PHF2: variants seen among roughly 807,000 people sequenced by gnomAD.
The protein encoded by PHF2 is lysine-specific demethylase PHF2.
Under a neutral mutation model 120.5 loss-of-function variants are expected in PHF2, and 27 were observed. The ratio of observed to expected loss-of-function variants is 0.22; its 90% confidence interval spans 0.17 to 0.31. The LOEUF (loss-of-function observed/expected upper bound fraction) is 0.31, where lower values mean the gene tolerates loss of function less well. Ranked by LOEUF, PHF2 falls within the 10% of genes least tolerant of loss-of-function variation. The pLI, the probability that PHF2 is intolerant of heterozygous loss-of-function variation, is 1.00. For synonymous variants in PHF2, 568 were observed against 592.5 expected, an observed-to-expected ratio of 0.96 and a Z score of 0.60; for missense variants, 1,024 against 1,434.8, an observed-to-expected ratio of 0.71 and a Z score of 4.63.
At chr9:93,652,122 C>G (rs1244732117) in intron 5 of PHF2, among the ~76,000 whole-genome samples, 1 of 151,950 alleles carries the variant, frequency 6.6e-6, no homozygotes, top group African/African-American at 2.4e-5. Flanking sequence ...CAGTCTTGTC[C>G]GGGGACAACT....
chr9:93,656,111 C>A lies in PHF2; in HGVS notation c.1040+90C>A. 9.8e-7 allele frequency: 1 copy of A among 1,019,930 alleles called. No homozygotes were observed. The allele number at this position is 1,019,930 out of a possible 1,614,324, so 63.2% of individuals were successfully genotyped here. A position where few individuals can be genotyped will look rare whatever the true frequency, so the allele number is the denominator to read the frequency against. On this transcript the variant is annotated intron_variant, in intron 8 of 21. Transcript: ENST00000359246. The surrounding 1 kb of genome is among the most constrained non-coding windows in gnomAD (Gnocchi z 4.1). ...GGTGCTAGATGCCTTGGGCTGAGTC[C>A]TGGCACAGCCCGCCTGTGGGTGGCC...
intron 14 of PHF2, among the ~76,000 whole-genome samples, chr9:93,664,129 G>T (rs138382540): frequency 2.7e-3 from 416 of 152,328 alleles, no homozygotes; most frequent in Non-Finnish European, 4.4e-3. Context: ...TGCTGAGGAC[G>T]TGCATGGGGG....
chr9:93,675,635 G>A, intron 19 of PHF2, 45 bp from the exon 20 acceptor site: 1 of 1,481,648 alleles, frequency 6.7e-7, no homozygotes, highest in Non-Finnish European at 9.4e-7. Context: ...GGGGTGGACA[G>A]GCTGTGGCCT....
At chr9:93,653,399 C>G in intron 6 of PHF2, 34 bp downstream of exon 6, 2 of 1,603,146 alleles carry the variant, frequency 1.2e-6, no homozygotes, top group Non-Finnish European at 8.5e-7. Flanking sequence ...CTCTGCCTTG[C>G]CATGGCCATG....
At chr9:93,675,826 C>G in intron 20 of PHF2, 37 bp downstream of exon 20, 2 of 1,496,272 alleles carry the variant, frequency 1.3e-6, no homozygotes, top group Non-Finnish European at 1.8e-6. Context: ...GCAGCCAGGT[C>G]CCTGCTACCC....
At chr9:93,582,422 C>T (rs1179201947) in intron 1 of PHF2, among the ~76,000 whole-genome samples, 1 of 152,226 alleles carries the variant, frequency 6.6e-6, no homozygotes, top group Admixed American at 6.5e-5. Context: ...ACTGCAGCAG[C>T]TCCCTCCTGG....
intron 1 of PHF2, among the ~76,000 whole-genome samples, chr9:93,628,358 G>T (rs982397321): frequency 9.2e-5 from 14 of 152,218 alleles, no homozygotes; most frequent in Admixed American, 2.6e-4. Flanking sequence ...TGGTTTCTGG[G>T]ATTTTCTTTT....
At chr9:93,648,569 T>A (rs1270504243) in intron 4 of PHF2, among the ~76,000 whole-genome samples, 1 of 152,182 alleles carries the variant, frequency 6.6e-6, no homozygotes, top group Non-Finnish European at 1.5e-5. Flanking sequence ...ATAAAGAAAT[T>A]TTCCTCCTCA....
At chr9:93,658,314 A>G (rs951375128) in intron 10 of PHF2, 78 bp downstream of exon 10, 6 of 1,074,500 alleles carry the variant, frequency 5.6e-6, no homozygotes, top group African/African-American at 3.1e-5. Context: ...CCCAGCAGCA[A>G]TGTCCAGGAC....
chr9:93,628,152 T>C (rs981271151), intron 1 of PHF2, among the ~76,000 whole-genome samples: 2 of 152,228 alleles, frequency 1.3e-5, no homozygotes, highest in African/African-American at 4.8e-5. Context: ...TAGACTTTAT[T>C]TACTGGTGTT....
At chr9:93,609,690 AT>A (rs940906608) in intron 1 of PHF2, among the ~76,000 whole-genome samples, 4 of 150,792 alleles carry the variant, frequency 2.7e-5, no homozygotes, top group Admixed American at 6.6e-5. Flanking sequence ...ATTCCCTGAC[AT>A]TTTTCTTTTT....
At chr9:93,600,415 G>C (rs1306135821) in intron 1 of PHF2, among the ~76,000 whole-genome samples, 1 of 152,212 alleles carries the variant, frequency 6.6e-6, no homozygotes, top group Non-Finnish European at 1.5e-5. Context: ...CCTTATCTGT[G>C]GGGACCCACA....
chr9:93,579,359 CA>C (rs2131593418), intron 1 of PHF2, among the ~76,000 whole-genome samples: 1 of 152,222 alleles, frequency 6.6e-6, no homozygotes, highest in Admixed American at 6.5e-5. Context: ...AAAAGAGTTC[CA>C]AAAATGGTAC....
At chr9:93,662,871 T>C in intron 12 of PHF2, 36 bp from the exon 13 acceptor site, 1 of 1,612,534 alleles carries the variant, frequency 6.2e-7, no homozygotes, top group Non-Finnish European at 8.5e-7. Flanking sequence ...CAGCCCTCTA[T>C]GTCTGCCTCT....
intron 1 of PHF2, among the ~76,000 whole-genome samples, chr9:93,601,271 C>G (rs1825434182): frequency 6.6e-6 from 1 of 152,190 alleles, no homozygotes; most frequent in Non-Finnish European, 1.5e-5. Context: ...GGACTCCAGC[C>G]CATGGTGGGA....
At chr9:93,652,930 G>A (rs1170491221) in intron 5 of PHF2, among the ~76,000 whole-genome samples, 1 of 152,310 alleles carries the variant, frequency 6.6e-6, no homozygotes, top group Non-Finnish European at 1.5e-5. Context: ...TGGTTTTGGG[G>A]CCTTCTCATT....
Position 93,676,877 on chromosome 9 carries a change from G to A in PHF2, c.3116G>A (p.Arg1039His), listed in dbSNP as rs1373443549. 16 of 1,575,028 alleles carry A rather than the reference G, an allele frequency of 1.0e-5. No homozygotes were observed. Among genetic ancestry groups the A allele is most frequent in the Non-Finnish European group, 1.2e-5 (14 of 1,160,834 alleles). Reference sequence around the variant, plus strand: ...ACCTTCACCGGGGCCCAGGCTGGCCGCACCTCCCAGCCCATGGCCCCTGGG... The same window carrying A: ...ACCTTCACCGGGGCCCAGGCTGGCCACACCTCCCAGCCCATGGCCCCTGGG... Reference protein sequence around the residue: ...AGTFTGAQAGRTSQPMAPGVF... With the variant: ...AGTFTGAQAGHTSQPMAPGVF... Residue 1039 changes from arginine to histidine, a missense_variant, in exon 21 of 22, where the codon CGC becomes CAC. Coordinates refer to ENST00000359246, the MANE Select transcript of PHF2 (RefSeq NM_005392.4).
At chr9:93,589,756 C>T (rs1016711467) in intron 1 of PHF2, among the ~76,000 whole-genome samples, 3 of 152,282 alleles carry the variant, frequency 2.0e-5, no homozygotes, top group East Asian at 3.9e-4. Flanking sequence ...CAGTGGAATG[C>T]GTGCCTCTCC....
chr9:93,637,653 C>T (rs1001100488), intron 3 of PHF2, among the ~76,000 whole-genome samples: 2 of 152,222 alleles, frequency 1.3e-5, no homozygotes, highest in Non-Finnish European at 2.9e-5. Context: ...GATATTTCAT[C>T]GTATAGATAT....
Sources: allele counts gnomAD v4.1 joint callset (sites outside exome capture counted in the v4.1 genomes callset), GRCh38; gene constraint gnomAD v4.1.1; non-coding constraint Gnocchi (gnomAD v3.1); transcripts MANE v1.5; gene names NCBI Gene and HGNC (gene_info 2026-07-23, HGNC 2026-07-21).